Variants in INTS7 observed in about 807,000 individuals in gnomAD.
INTS7 encodes integrator complex subunit 7.
Under a neutral mutation model 109.2 loss-of-function variants are expected in INTS7, and 46 were observed. The observed-to-expected ratio is 0.42, with a 90% CI of 0.33 to 0.54. The LOEUF is 0.54. Among genes scored for constraint, INTS7 ranks in the 20% least tolerant of loss-of-function variants. The probability of loss-of-function intolerance (pLI) is 0.07; values close to 1 mark genes in which losing one functional copy is unlikely to be tolerated. For missense variants in INTS7, 929 were observed against 1,132.4 expected, an observed-to-expected ratio of 0.82 and a Z score of 2.58; for synonymous variants, 412 against 402.9, an observed-to-expected ratio of 1.02 and a Z score of -0.27.
At chr1:212,014,444 G>A (rs1241216146) in intron 4 of INTS7, among the ~76,000 whole-genome samples, 2 of 85,120 alleles carry the variant, frequency 2.3e-5, no homozygotes, top group African/African-American at 9.4e-5. Flanking sequence ...CAGCCTGGAT[G>A]ACAAGAGCAA....
chr1:211,948,616 G>A (rs1662945846), intron 17 of INTS7, among the ~76,000 whole-genome samples: 1 of 152,218 alleles, frequency 6.6e-6, no homozygotes, highest in African/African-American at 2.4e-5. Context: ...ACCTCCATAG[G>A]TGTATTAGCA....
chr1:212,034,123 T>G (rs1411128415), intron 1 of INTS7, among the ~76,000 whole-genome samples: 1 of 151,954 alleles, frequency 6.6e-6, no homozygotes, highest in Non-Finnish European at 1.5e-5. Flanking sequence ...TATACTTTTT[T>G]TTTTCAGAGG....
chr1:211,968,408 A>T, intron 14 of INTS7, 105 bp downstream of exon 14: 1 of 910,242 alleles, frequency 1.1e-6, no homozygotes, highest in Non-Finnish European at 1.7e-6. Context: ...CATTTATGAT[A>T]ATGTCTGAGT....
chr1:212,009,330 C>G (rs887484103), intron 5 of INTS7, among the ~76,000 whole-genome samples: 1 of 152,132 alleles, frequency 6.6e-6, no homozygotes, highest in Admixed American at 6.6e-5. Flanking sequence ...TGTATATTCT[C>G]ATATAACTGT....
Position 211,968,479 on chromosome 1 carries a change from G to A in INTS7, c.2010+34C>T, listed in dbSNP as rs764129867. On this transcript the variant is annotated intron_variant, in intron 14 of 19. Coordinates refer to ENST00000366994, the MANE Select transcript of INTS7 (RefSeq NM_015434.4). ...TTATAACTTCGAAAACCTCTAAAGT[G>A]TAAATAAAAAATGCACTGAAAGTTA... is the stretch of plus-strand genomic sequence containing the variant. The A allele has an allele frequency of 1.3e-5, 21 of 1,565,708 alleles. 1 individual carries two copies. The South Asian group carries it at 1.5e-4, about 11-fold the overall frequency.
intron 16 of INTS7, among the ~76,000 whole-genome samples, chr1:211,955,068 T>C (rs917713365): frequency 1.3e-5 from 2 of 152,256 alleles, no homozygotes; most frequent in African/African-American, 4.8e-5. Flanking sequence ...TTTTATTTCA[T>C]TGAGCAATGG....
At position 211,952,653 on chromosome 1, in the gene INTS7, A is replaced by G. The variant is rs200586492; in HGVS notation, c.2232T>C (p.Tyr744=). The change falls in exon 17 of 20, where the codon TAT becomes TAC. Residue 744 remains tyrosine (Y), a synonymous_variant. Coordinates refer to ENST00000366994, the MANE Select transcript of INTS7 (RefSeq NM_015434.4). The stretch of plus-strand genomic sequence containing the variant: ...TATATACAGACATCATTCTTCTTTC[A>G]TATTCACTATCAGCATGGGCTGTTC... ...STGTAHADSE[Y]ERRMMSVYNH... The G allele has an allele frequency of 3.7e-6, 6 of 1,612,922 alleles. No individual in the cohort carries two copies. In the East Asian group the frequency reaches 1.3e-4, roughly 36 times the overall value.
At position 211,946,474 on chromosome 1, in the gene INTS7, T is replaced by A; in HGVS notation, c.2415+133A>T. The A allele has an allele frequency of 1.7e-6, 1 of 574,570 alleles. No individual in the cohort carries two copies. Among genetic ancestry groups the A allele is most frequent in the Non-Finnish European group, 3.0e-6 (1 of 329,472 alleles). The allele number at this position is 574,570 out of a possible 1,614,324, so 35.6% of individuals were successfully genotyped here. A position where few individuals can be genotyped will look rare whatever the true frequency, so the allele number is the denominator to read the frequency against. ...CCAGGCGACAGGGCGAGACTCTGTCTCAAAAAACAAAACAAAACAAAAAAA... is the reference window on the plus strand; with the variant it reads ...CCAGGCGACAGGGCGAGACTCTGTCACAAAAAACAAAACAAAACAAAAAAA... On this transcript the variant is annotated intron_variant, in intron 18 of 19. Coordinates refer to ENST00000366994, the MANE Select transcript of INTS7 (RefSeq NM_015434.4). The surrounding 1 kb of genome is among the most constrained non-coding windows in gnomAD (Gnocchi z 4.3).
chr1:212,023,173 T>C (rs982499787), intron 1 of INTS7, among the ~76,000 whole-genome samples: 3 of 152,230 alleles, frequency 2.0e-5, no homozygotes, highest in Non-Finnish European at 4.4e-5. Context: ...TCTAGGTTGA[T>C]TCCACATCTT....
Position 211,966,463 on chromosome 1 carries a change from A to G in INTS7, c.2150T>C (p.Ile717Thr), listed in dbSNP as rs764525467. The change falls in exon 16 of 20, where the codon ATA becomes ACA. Residue 717 changes from isoleucine (I) to threonine (T), a missense_variant. Ile to Thr is a moderately conservative substitution (Grantham distance 89). Coordinates refer to ENST00000366994, the MANE Select transcript of INTS7 (RefSeq NM_015434.4). ...QQSCLLISHA[I>T]EALILDPESA... ...TTCTGGATCCAAAATCAGGGCTTCT[A>G]TTGCATGAGATATCAGTAAACAGCT... is the stretch of plus-strand genomic sequence containing the variant. 26 of 1,608,788 alleles carry G rather than the reference A, an allele frequency of 1.6e-5. No homozygotes were observed. Among genetic ancestry groups the G allele is most frequent in the Non-Finnish European group, 2.1e-5 (25 of 1,175,796 alleles).
intron 1 of INTS7, among the ~76,000 whole-genome samples, chr1:212,024,081 C>A (rs1420427591): frequency 6.6e-6 from 1 of 152,122 alleles, no homozygotes; most frequent in Non-Finnish European, 1.5e-5. Flanking sequence ...TGTGTGTGTA[C>A]CAGTACCATG....
At chr1:211,995,503 T>C (rs897043855) in intron 7 of INTS7, among the ~76,000 whole-genome samples, 4 of 151,810 alleles carry the variant, frequency 2.6e-5, no homozygotes, top group African/African-American at 9.7e-5. Context: ...AAAAGATACA[T>C]GCAAAGAAAA....
intron 18 of INTS7, 91 bp from the exon 19 acceptor site, chr1:211,945,060 A>G (rs1662793821): frequency 1.6e-6 from 2 of 1,290,176 alleles, no homozygotes; most frequent in African/African-American, 1.5e-5. Context: ...TTACAGGTTA[A>G]CAAATTCGAT....
intron 7 of INTS7, among the ~76,000 whole-genome samples, chr1:212,003,226 A>G (rs1665755639): frequency 1.3e-5 from 2 of 151,760 alleles, no homozygotes. Flanking sequence ...CATAGTCTAG[A>G]CAGTTTAAAA....
At chr1:212,011,501 A>C in intron 4 of INTS7, 80 bp from the exon 5 acceptor site, 3 of 877,386 alleles carry the variant, frequency 3.4e-6, no homozygotes, top group South Asian at 1.5e-5. Context: ...ATAAAACACA[A>C]TTAGCGCAGA....
At chr1:211,999,941 C>T (rs563836784) in intron 7 of INTS7, among the ~76,000 whole-genome samples, 1 of 152,052 alleles carries the variant, frequency 6.6e-6, no homozygotes, top group Non-Finnish European at 1.5e-5. Flanking sequence ...CCTGTCTCTA[C>T]TAAAAATACA....
chr1:212,020,943 GT>G (rs1666665462), intron 2 of INTS7, 139 bp downstream of exon 2: 2 of 762,048 alleles, frequency 2.6e-6, no homozygotes, highest in Admixed American at 3.1e-5. Flanking sequence ...TCACACTGAT[GT>G]GCTGCACACA....
rs1662579888 is a variant in INTS7, at chr1:211,940,446, A to C, written c.*1378T>G. 1 of 152,238 alleles carries C rather than the reference A, an allele frequency of 6.6e-6. No individual in the cohort carries two copies. Among genetic ancestry groups the C allele is most frequent in the Non-Finnish European group, 1.5e-5 (1 of 68,046 alleles). 9.4% of individuals were successfully genotyped at this position (152,238 alleles called of 1,614,324 possible). A position where few individuals can be genotyped will look rare whatever the true frequency, so the allele number is the denominator to read the frequency against. On this transcript the variant is annotated 3_prime_UTR_variant, in exon 20 of 20. Coordinates refer to ENST00000366994, the MANE Select transcript of INTS7 (RefSeq NM_015434.4). ...TATTTAAAAAGGAAATTCCAGGGAAAGTACCCTGCTTTACCTTAGGAGCTG... is the reference window on the plus strand; with the variant it reads ...TATTTAAAAAGGAAATTCCAGGGAACGTACCCTGCTTTACCTTAGGAGCTG...
chr1:211,952,530 T>A (rs771727009), intron 17 of INTS7, 39 bp downstream of exon 17: 19 of 1,600,692 alleles, frequency 1.2e-5, no homozygotes, highest in Non-Finnish European at 1.5e-5. Flanking sequence ...AAAACCCACA[T>A]CCATACAATA....
Sources: allele counts gnomAD v4.1 joint callset (sites outside exome capture counted in the v4.1 genomes callset), GRCh38; gene constraint gnomAD v4.1.1; non-coding constraint Gnocchi (gnomAD v3.1); transcripts MANE v1.5; gene names NCBI Gene and HGNC (gene_info 2026-07-23, HGNC 2026-07-21).